PPP6C: variants seen among roughly 807,000 people sequenced by gnomAD.
The protein encoded by PPP6C is serine/threonine-protein phosphatase 6 catalytic subunit.
A neutral mutation model predicts 39.8 loss-of-function variants in PPP6C; 11 were observed. The observed-to-expected ratio is 0.28, with a 90% CI of 0.17 to 0.46. The LOEUF (loss-of-function observed/expected upper bound fraction) is 0.46. Ranked by LOEUF, PPP6C falls within the 20% of genes least tolerant of loss-of-function variation. The pLI, the probability that PPP6C is intolerant of heterozygous loss-of-function variation, is 1.00. For synonymous variants in PPP6C, 129 were observed against 130.3 expected (o/e 0.99, Z 0.07); for missense variants, 211 against 373.9 (o/e 0.56, Z 3.59).
intron 2 of PPP6C, among the ~76,000 whole-genome samples, chr9:125,168,088 C>T (rs932772434): frequency 1.3e-5 from 2 of 152,172 alleles, no homozygotes; most frequent in African/African-American, 4.8e-5. Context: ...TTGGTTCATG[C>T]TAAGGCACGA....
intron 1 of PPP6C, among the ~76,000 whole-genome samples, chr9:125,186,541 T>A (rs1829533866): frequency 1.3e-5 from 2 of 151,014 alleles, no homozygotes; most frequent in African/African-American, 4.9e-5. Context: ...AGCCCAGGAG[T>A]TCAAGACTGG....
At chr9:125,188,829 T>A in intron 1 of PPP6C, 1 of 565,758 alleles carries the variant, frequency 1.8e-6, no homozygotes, top group Non-Finnish European at 2.7e-6. Flanking sequence ...ATTAAAAAGT[T>A]TTAAAAAAGA....
At chr9:125,188,690 AG>A (rs1259977122) in intron 1 of PPP6C, among the ~76,000 whole-genome samples, 4 of 151,912 alleles carry the variant, frequency 2.6e-5, no homozygotes, top group Non-Finnish European at 5.9e-5. Flanking sequence ...AGGCTGAGGC[AG>A]GAGAATCGCT....
At chr9:125,173,029 C>A (rs1412381967) in intron 1 of PPP6C, among the ~76,000 whole-genome samples, 3 of 152,130 alleles carry the variant, frequency 2.0e-5, no homozygotes. Flanking sequence ...GTAATCCCAG[C>A]ATTTTGGGAG....
chr9:125,148,258 A>G lies in PPP6C; in HGVS notation c.*1415T>C, dbSNP rs1433755190. On this transcript the variant is annotated 3_prime_UTR_variant, in exon 7 of 7. Transcript: ENST00000373547. ...ACCTGAACAGATGCTAAAGTGCTTTATTAATTGGCTGGCTTCACAAGTATT... is the reference window on the plus strand; with the variant it reads ...ACCTGAACAGATGCTAAAGTGCTTTGTTAATTGGCTGGCTTCACAAGTATT... The G allele has an allele frequency of 1.3e-5, 2 of 152,488 alleles. No individual in the cohort carries two copies. Among genetic ancestry groups the G allele is most frequent in the Non-Finnish European group, 2.9e-5 (2 of 68,138 alleles). 9.4% of individuals were successfully genotyped at this position (152,488 alleles called of 1,614,324 possible). A position where few individuals can be genotyped will look rare whatever the true frequency, so the allele number is the denominator to read the frequency against.
intron 2 of PPP6C, among the ~76,000 whole-genome samples, chr9:125,167,373 CCT>C (rs1277836122): frequency 9.7e-6 from 1 of 102,854 alleles, no homozygotes; most frequent in Non-Finnish European, 1.9e-5. Context: ...AGAGCGAGAC[CCT>C]GTCCAAAAAA....
At chr9:125,180,721 G>A (rs868743569) in intron 1 of PPP6C, among the ~76,000 whole-genome samples, 10 of 152,044 alleles carry the variant, frequency 6.6e-5, no homozygotes, top group Admixed American at 5.2e-4. Flanking sequence ...GTGTCTGGCC[G>A]GTTCCCATAT....
At chr9:125,156,513 C>T (rs1200811293) in intron 4 of PPP6C, among the ~76,000 whole-genome samples, 2 of 152,134 alleles carry the variant, frequency 1.3e-5, no homozygotes, top group Non-Finnish European at 2.9e-5. Context: ...ACCTTGTGAT[C>T]TGCCTGCCTC....
chr9:125,149,618 GA>G lies in PPP6C; in HGVS notation c.*54del. 6.3e-7 allele frequency: 1 copy of G among 1,580,150 alleles called. No homozygotes were observed. The highest frequency in any genetic ancestry group is 8.6e-7 in the Non-Finnish European group (1 of 1,158,394). ...AAGTATATTGTAGAGGGTAATACAA[GA>G]AAATTGGGGTAAGAAGAGGGCAGAA... On this transcript the variant is annotated 3_prime_UTR_variant, in exon 7 of 7. Transcript: ENST00000373547.
Position 125,189,756 on chromosome 9 carries a change from GGCTGTAGCAGCGGCGGCGGCA to G in PPP6C, c.-59_-39del, listed in dbSNP as rs903903668. ...AAGCCGCGGCAACAGCGGCGGCGGC[GGCTGTAGCAGCGGCGGCGGCA>G]GCGGCGGAGGCCGAAGCCGGAACTT... On this transcript the variant is annotated 5_prime_UTR_variant, in exon 1 of 7. Coordinates refer to ENST00000373547, the MANE Select transcript of PPP6C (RefSeq NM_002721.5). 6.5e-7 allele frequency: 1 copy of G among 1,545,976 alleles called. No homozygotes were observed. The highest frequency in any genetic ancestry group is 8.7e-7 in the Non-Finnish European group (1 of 1,146,708).
Position 125,171,184 on chromosome 9 carries a change from TAA to T in PPP6C, c.76-6_76-5del. ...CACAAACGTAGTCACATAGCCGCTA[TAA>T]AAAGAGAAAATAAAAGGTAAACATT... is the stretch of plus-strand genomic sequence containing the variant. On this transcript the variant is annotated splice_region_variant and splice_polypyrimidine_tract_variant and intron_variant, in intron 1 of 6. Transcript: ENST00000373547. The T allele has an allele frequency of 1.3e-6, 2 of 1,548,406 alleles. No homozygotes were observed. Among genetic ancestry groups the T allele is most frequent in the Non-Finnish European group, 1.8e-6 (2 of 1,139,990 alleles).
chr9:125,154,663 A>T (rs938621154), intron 4 of PPP6C, among the ~76,000 whole-genome samples: 1 of 152,352 alleles, frequency 6.6e-6, no homozygotes, highest in East Asian at 1.9e-4. Flanking sequence ...GTAAGCAGAT[A>T]AATTTATTTA....
At chr9:125,151,439 G>A (rs1835939424) in intron 6 of PPP6C, 1 of 825,208 alleles carries the variant, frequency 1.2e-6, no homozygotes, top group Admixed American at 1.7e-5. Context: ...CTTTAAAGCA[G>A]TAGTAGTCAC....
chr9:125,157,345 G>C (rs1836105661), intron 4 of PPP6C, among the ~76,000 whole-genome samples: 1 of 151,986 alleles, frequency 6.6e-6, no homozygotes, highest in Non-Finnish European at 1.5e-5. Context: ...TCTGGAGTGA[G>C]CATACAGAGA....
At position 125,147,582 on chromosome 9, in the gene PPP6C, G is replaced by A. The variant is rs1835840804; in HGVS notation, c.*2091C>T. 1 of 152,148 alleles carries A rather than the reference G, an allele frequency of 6.6e-6. No individual in the cohort carries two copies. The highest frequency in any genetic ancestry group is 2.4e-5 in the African/African-American group (1 of 41,428). 9.4% of individuals were successfully genotyped at this position (152,148 alleles called of 1,614,324 possible). On this transcript the variant is annotated 3_prime_UTR_variant, in exon 7 of 7. Coordinates refer to ENST00000373547, the MANE Select transcript of PPP6C (RefSeq NM_002721.5). ...TTGAAGAGAAATCAGGCAAAACAGA[G>A]ATGGCAGATAAGGAATGGAGAGAAT...
chr9:125,159,385 T>A (rs926358433), intron 3 of PPP6C, among the ~76,000 whole-genome samples: 8 of 151,430 alleles, frequency 5.3e-5, no homozygotes, highest in African/African-American at 1.9e-4. Flanking sequence ...TTTTTTTTTT[T>A]TTTTAGAGAT....
chr9:125,189,779 C>G lies in PPP6C; in HGVS notation c.-61G>C. ...GCGGCTGTAGCAGCGGCGGCGGCAG[C>G]GGCGGAGGCCGAAGCCGGAACTTTC... On this transcript the variant is annotated 5_prime_UTR_variant, in exon 1 of 7. Coordinates refer to ENST00000373547, the MANE Select transcript of PPP6C (RefSeq NM_002721.5). 1.3e-6 allele frequency: 2 copies of G among 1,528,872 alleles called. No individual in the cohort carries two copies. Among genetic ancestry groups the G allele is most frequent in the Non-Finnish European group, 1.8e-6 (2 of 1,139,006 alleles). The allele number at this position is 1,528,872 out of a possible 1,614,324, so 94.7% of individuals were successfully genotyped here. A position where few individuals can be genotyped will look rare whatever the true frequency, so the allele number is the denominator to read the frequency against.
rs1176354960 is a variant in PPP6C, at chr9:125,159,036, GTTTTTTTT to G, written c.238-662_238-655del. On this transcript the variant is annotated intron_variant, in intron 3 of 6. Transcript: ENST00000373547. Reference sequence around the variant, plus strand: ...TCATCTGCTAACCAGTATTTTTTAAGTTTTTTTTTTTTTTTTTTTTAGATGGAGTTTCA... The same window carrying G: ...TCATCTGCTAACCAGTATTTTTTAAGTTTTTTTTTTTTAGATGGAGTTTCA... Among the ~76,000 whole-genome samples, 27 of 117,994 alleles carry G rather than the reference GTTTTTTTT, an allele frequency of 2.3e-4. No individual in the cohort carries two copies. The East Asian group carries it at 6.1e-3, about 27-fold the overall frequency. The allele number at this position is 117,994 out of a possible 152,430, so 77.4% of individuals were successfully genotyped here.
In PPP6C at chr9:125,179,215, C is replaced by CAAAAAAAAA. The variant is rs150040909; in HGVS notation, c.76-8044_76-8036dup. ...AAGCAACAAGAGCGAAACTCCATCTCAAAAAAAAAAGAATTATCTGCATAT... is the reference window on the plus strand; with the variant it reads ...AAGCAACAAGAGCGAAACTCCATCTCAAAAAAAAAAAAAAAAAAAGAATTATCTGCATAT... On this transcript the variant is annotated intron_variant, in intron 1 of 6. Transcript: ENST00000373547. 1.5e-3 allele frequency among the ~76,000 whole-genome samples: 187 copies of CAAAAAAAAA among 127,198 alleles called. 4 individuals are homozygous for CAAAAAAAAA. Among genetic ancestry groups the CAAAAAAAAA allele is most frequent in the East Asian group, 2.5e-3 (10 of 3,984 alleles). 83.4% of individuals were successfully genotyped at this position (127,198 alleles called of 152,430 possible).
Sources: allele counts gnomAD v4.1 joint callset (sites outside exome capture counted in the v4.1 genomes callset), GRCh38; gene constraint gnomAD v4.1.1; transcripts MANE v1.5; gene names NCBI Gene and HGNC (gene_info 2026-07-23, HGNC 2026-07-21).